The following OTOG variants were observed in gnomAD, a reference collection of about 807,000 sequenced individuals.
OTOG encodes the protein otogelin.
OTOG carries 296 observed loss-of-function variants against 313.8 expected under a neutral mutation model. That is an observed-to-expected ratio of 0.94 (90% CI 0.86 to 1.04). The LOEUF (loss-of-function observed/expected upper bound fraction) is 1.04. Ranked by LOEUF, OTOG falls within the 50% of genes least tolerant of loss-of-function variation. The pLI is 0.00. For missense variants in OTOG, 3,948 were observed against 3,840.1 expected, an observed-to-expected ratio of 1.03 and a Z score of -0.74; for synonymous variants, 1,533 against 1,554.9, an observed-to-expected ratio of 0.99 and a Z score of 0.33.
In OTOG at chr11:17,610,141, C is replaced by T. The variant is rs897939885; in HGVS notation, c.4841C>T (p.Pro1614Leu). The part of the protein sequence containing the change: ...SSRSPPAPRF[P>L]LMTKAVTVRG... ...CGGTCGCCCCCTGCCCCTCGCTTCCCGCTCATGACCAAGGCTGTGACAGTC... is the reference window on the plus strand; with the variant it reads ...CGGTCGCCCCCTGCCCCTCGCTTCCTGCTCATGACCAAGGCTGTGACAGTC... Residue 1614 changes from proline to leucine, a missense_variant, in exon 36 of 56, where the codon CCG becomes CTG. Pro to Leu is a moderately conservative substitution (Grantham distance 98). Coordinates refer to ENST00000399397, the MANE Select transcript of OTOG (RefSeq NM_001292063.2). The T allele has an allele frequency of 4.3e-5, 66 of 1,550,526 alleles. No homozygotes were observed. The highest frequency in any genetic ancestry group is 5.9e-5 in the Admixed American group (3 of 50,984).
At chr11:17,605,382 A>G (rs1253558576) in intron 32 of OTOG, among the ~76,000 whole-genome samples, 1 of 152,142 alleles carries the variant, frequency 6.6e-6, no homozygotes, top group Non-Finnish European at 1.5e-5. Context: ...TTCTGTGAGG[A>G]GCAGGACCAA....
Position 17,594,058 on chromosome 11 carries a change from G to T in OTOG, c.3300G>T (p.Ala1100=), listed in dbSNP as rs539192142. 1 of 1,550,528 alleles carries T rather than the reference G, an allele frequency of 6.4e-7. No homozygotes were observed. Residue 1100 remains alanine, a synonymous_variant, in exon 28 of 56, where the codon GCG becomes GCT. Transcript: ENST00000399397. ...QAGPQWQGQL[A]GLCGNFDLKT... Reference sequence around the variant, plus strand: ...CTCTCTCCTTTCAGGGCCAGCTGGCGGGCCTCTGTGGGAACTTTGACTTAA... The same window carrying T: ...CTCTCTCCTTTCAGGGCCAGCTGGCTGGCCTCTGTGGGAACTTTGACTTAA...
Position 17,553,399 on chromosome 11 carries a change from C to CCGGG in OTOG, c.423_426dup (p.Trp143GlyfsTer11). The CCGGG allele has an allele frequency of 6.8e-7, 1 of 1,464,906 alleles. No individual in the cohort carries two copies. Among genetic ancestry groups the CCGGG allele is most frequent in the Non-Finnish European group, 9.0e-7 (1 of 1,105,216 alleles). 90.7% of individuals were successfully genotyped at this position (1,464,906 alleles called of 1,614,324 possible). ...CCGGCCCTGAGAGGGACAGCATTTG[C>CCGGG]CGGGCGTGGGGGCAGCACCACGTGG... On this transcript the variant is annotated frameshift_variant, in exon 6 of 56. Coordinates refer to ENST00000399397, the MANE Select transcript of OTOG (RefSeq NM_001292063.2). LOFTEE classifies it high-confidence loss of function.
chr11:17,615,181 T>C (rs1853690159), intron 39 of OTOG, among the ~76,000 whole-genome samples: 1 of 152,262 alleles, frequency 6.6e-6, no homozygotes, highest in African/African-American at 2.4e-5. Flanking sequence ...AAGTATCTGT[T>C]CAAGTCTTTT....
chr11:17,639,824 G>A (rs563855121), intron 49 of OTOG, among the ~76,000 whole-genome samples: 5 of 151,628 alleles, frequency 3.3e-5, no homozygotes, highest in African/African-American at 1.2e-4. Flanking sequence ...TGGTGGTGGT[G>A]GGGATGGTGA....
intron 15 of OTOG, 122 bp from the exon 16 acceptor site, chr11:17,569,030 CTCTG>C: frequency 2.6e-6 from 3 of 1,136,394 alleles, no homozygotes; most frequent in Non-Finnish European, 2.5e-6. Context: ...ATCTTTGGGG[CTCTG>C]TCTGTCATTC....
Position 17,641,852 on chromosome 11 carries a change from G to A in OTOG, c.8196G>A (p.Gln2732=). 1.3e-6 allele frequency: 2 copies of A among 1,549,580 alleles called. No homozygotes were observed. Among genetic ancestry groups the A allele is most frequent in the Non-Finnish European group, 1.7e-6 (2 of 1,146,470 alleles). ...CACCCCGCCCTGGCCTGTAGAACCAGGAGTACGAGCACCCGCGGGACCTCG... is the reference window on the plus strand; with the variant it reads ...CACCCCGCCCTGGCCTGTAGAACCAAGAGTACGAGCACCCGCGGGACCTCG... ...VLCDIHCEAN[Q]EYEHPRDLAA... Residue 2732 remains glutamine, a synonymous_variant, in exon 52 of 56, where the codon CAG becomes CAA. Transcript: ENST00000399397.
intron 13 of OTOG, 29 bp from the exon 14 acceptor site, chr11:17,561,062 C>T (rs966045354): frequency 1.9e-6 from 3 of 1,550,356 alleles, no homozygotes; most frequent in African/African-American, 2.7e-5. Context: ...GAGGGGTGAC[C>T]TCTTGCCTCC....
chr11:17,635,389 C>T (rs905037073), intron 46 of OTOG, among the ~76,000 whole-genome samples: 1 of 152,112 alleles, frequency 6.6e-6, no homozygotes, highest in Non-Finnish European at 1.5e-5. Context: ...TTACTAAGCA[C>T]GAGGAAACTG....
chr11:17,629,426 G>A, intron 40 of OTOG, 110 bp downstream of exon 40: 1 of 1,261,346 alleles, frequency 7.9e-7, no homozygotes, highest in South Asian at 1.6e-5. Flanking sequence ...CCAGGCCAGA[G>A]GTTGGAGCAG....
At chr11:17,621,038 G>A (rs978914273) in intron 39 of OTOG, among the ~76,000 whole-genome samples, 7 of 152,028 alleles carry the variant, frequency 4.6e-5, no homozygotes, top group Non-Finnish European at 7.4e-5. Context: ...AAAAATAATT[G>A]TTTGTATTTC....
rs1053209005 is a variant in OTOG at position 17,610,702 on chromosome 11, G to C, written c.5402G>C (p.Gly1801Ala). The change falls in exon 36 of 56, where the codon GGC (glycine) becomes GCC (alanine). Residue 1801 changes from glycine to alanine, a missense_variant. Gly to Ala is a moderately conservative substitution (Grantham distance 60, BLOSUM62 0). Transcript: ENST00000399397. The part of the protein sequence containing the change: ...ESTRPSQLLS[G>A]LPPDTSLPLA... ...ACTCGTCCCTCCCAGCTCCTCTCTG[G>C]CCTGCCTCCCGACACCAGCCTGCCC... The C allele has an allele frequency of 6.5e-7, 1 of 1,550,140 alleles. No homozygotes were observed. Among genetic ancestry groups the C allele is most frequent in the African/African-American group, 1.4e-5 (1 of 73,002 alleles).
intron 19 of OTOG, 39 bp downstream of exon 19, chr11:17,573,329 C>A: frequency 6.7e-7 from 1 of 1,483,308 alleles, no homozygotes; most frequent in Non-Finnish European, 9.0e-7. Flanking sequence ...CTGGAGGAGC[C>A]AGAGCTCCAG....
In OTOG at chr11:17,591,341, T is replaced by A. The variant is rs10488684; in HGVS notation, c.2868-109T>A. ...TAGAGGTTGGTGTTTGTTGACCTCT[T>A]TGCCGAGGGACACAGTGCACATGCA... On this transcript the variant is annotated intron_variant, in intron 24 of 55. Coordinates refer to ENST00000399397, the MANE Select transcript of OTOG (RefSeq NM_001292063.2). The A allele has an allele frequency of 0.012, 16,504 of 1,425,098 alleles. 894 individuals carry two copies. The African/African-American group carries it at 0.13, about 11-fold the overall frequency. 88.3% of individuals were successfully genotyped at this position (1,425,098 alleles called of 1,614,324 possible).
In OTOG at chr11:17,576,541, C is replaced by G. The variant is rs1035284593; in HGVS notation, c.2487-15C>G. On this transcript the variant is annotated splice_polypyrimidine_tract_variant and intron_variant, in intron 20 of 55. Transcript: ENST00000399397. Reference sequence around the variant, plus strand: ...CTGAGCCTGCTCACCTTTCTTTGCTCCCATTTTTTTATAGGAACCAGTGCT... The same window carrying G: ...CTGAGCCTGCTCACCTTTCTTTGCTGCCATTTTTTTATAGGAACCAGTGCT... 1 of 1,548,050 alleles carries G rather than the reference C, an allele frequency of 6.5e-7. No homozygotes were observed.
At position 17,638,549 on chromosome 11, in the gene OTOG, G is replaced by T. The variant is rs764863369; in HGVS notation, c.7894G>T (p.Glu2632Ter). The T allele has an allele frequency of 2.6e-6, 4 of 1,550,186 alleles. No homozygotes were observed. In the South Asian group the frequency reaches 4.8e-5, roughly 18 times the overall value. ...CCGCTGCTGCCCCTACAAATCCTGT[G>T]GTGAGTCCGTGGTCAGGACAGCCTC... ...PDRCCPYKSCECDCDTIPVPR... is the reference protein window; with the variant it reads ...PDRCCPYKSC Residue 2632 changes from glutamate to a stop codon, truncating the protein, a stop_gained and splice_region_variant, in exon 48 of 56, where the codon GAA becomes TAA. Coordinates refer to ENST00000399397, the MANE Select transcript of OTOG (RefSeq NM_001292063.2). LOFTEE classifies it high-confidence loss of function.
rs1288629187 is a variant in OTOG at position 17,609,988 on chromosome 11, A to T, written c.4688A>T (p.His1563Leu). 9 of 1,543,750 alleles carry T rather than the reference A, an allele frequency of 5.8e-6. No homozygotes were observed. In the East Asian group the frequency reaches 2.0e-4, roughly 34 times the overall value. ...ACTGCCAGCCTCCTGGCCATCCCCC[A>T]TACACCAGAGTCCTCATCCCTCCCT... ...GVTASLLAIP[H>L]TPESSSLPVA... Residue 1563 changes from histidine to leucine, a missense_variant, in exon 36 of 56, where the codon CAT becomes CTT. Physicochemically the swap from His to Leu is moderately conservative, Grantham distance 99. Coordinates refer to ENST00000399397, the MANE Select transcript of OTOG (RefSeq NM_001292063.2).
chr11:17,560,985 C>A, intron 13 of OTOG, 106 bp from the exon 14 acceptor site: 3 of 1,336,530 alleles, frequency 2.2e-6, no homozygotes, highest in South Asian at 1.3e-5. Context: ...TCTCTACCAC[C>A]CATTTTAGAG....
At chr11:17,626,493 G>A (rs574524163) in intron 39 of OTOG, among the ~76,000 whole-genome samples, 6 of 152,068 alleles carry the variant, frequency 3.9e-5, no homozygotes, top group African/African-American at 7.2e-5. Flanking sequence ...CTATTTTTAC[G>A]CCAGTACCAT....
Sources: gnomAD v4.1 joint callset for allele counts (sites outside exome capture counted in the v4.1 genomes callset) on GRCh38, gnomAD v4.1.1 for gene constraint, MANE v1.5 for transcripts, NCBI Gene and HGNC (gene_info 2026-07-23, HGNC 2026-07-21) for gene names.